The following IQSEC1 variants were observed in gnomAD, a reference collection of about 807,000 sequenced individuals.
IQSEC1 encodes the protein IQ motif and SEC7 domain-containing protein 1.
IQSEC1 carries 31 observed loss-of-function variants against 91.0 expected under a neutral mutation model. The observed-to-expected ratio is 0.34, with a 90% CI of 0.26 to 0.46. The LOEUF (loss-of-function observed/expected upper bound fraction) is 0.46. Ranked by LOEUF, IQSEC1 falls within the 20% of genes least tolerant of loss-of-function variation. The probability of loss-of-function intolerance (pLI) is 1.00; values close to 1 mark genes in which losing one functional copy is unlikely to be tolerated. For synonymous variants in IQSEC1, 699 were observed against 662.6 expected (o/e 1.05, Z -0.84); for missense variants, 1,388 against 1,575.6 (o/e 0.88, Z 2.02).
At chr3:13,250,196 G>T (rs952120196) in intron 1 of IQSEC1, among the ~76,000 whole-genome samples, 2 of 152,158 alleles carry the variant, frequency 1.3e-5, no homozygotes, top group Admixed American at 6.5e-5. Flanking sequence ...TTCAACGAAG[G>T]CCAGCTGGGT....
intron 2 of IQSEC1, among the ~76,000 whole-genome samples, chr3:13,110,811 T>C (rs1706232375): frequency 6.6e-6 from 1 of 152,076 alleles, no homozygotes; most frequent in South Asian, 2.1e-4. Context: ...GTCACGGGTG[T>C]GGAGATTTAC....
In IQSEC1 at chr3:13,193,046, C is replaced by A. The variant is rs960907368; in HGVS notation, c.273-28913G>T. 2.0e-5 allele frequency among the ~76,000 whole-genome samples: 3 copies of A among 152,366 alleles called. No homozygotes were observed. The highest frequency in any genetic ancestry group is 6.5e-5 in the Admixed American group (1 of 15,306). The stretch of plus-strand genomic sequence containing the variant: ...AGGTCCAGTCCTGGCCATGTAGCTG[C>A]ATGCAGTGCATCCTCCAGCCCCTAG... On this transcript the variant is annotated intron_variant, in intron 1 of 15. Transcript: ENST00000648114. The surrounding 1 kb of genome is among the most constrained non-coding windows in gnomAD (Gnocchi z 4.2).
chr3:13,194,696 C>T (rs746797574), intron 1 of IQSEC1, among the ~76,000 whole-genome samples: 4 of 152,058 alleles, frequency 2.6e-5, no homozygotes. Flanking sequence ...GACTGAGAGG[C>T]GAGGTCCGTG....
At chr3:12,930,667 G>C (rs905445608) in intron 3 of IQSEC1, among the ~76,000 whole-genome samples, 3 of 152,172 alleles carry the variant, frequency 2.0e-5, no homozygotes, top group African/African-American at 7.2e-5. Context: ...GCCAGATGGA[G>C]CCAAGAAATA....
intron 1 of IQSEC1, among the ~76,000 whole-genome samples, chr3:13,038,508 G>A (rs947819866): frequency 2.0e-5 from 3 of 151,766 alleles, no homozygotes; most frequent in Non-Finnish European, 4.4e-5. Flanking sequence ...GGGTAGTCGG[G>A]GGACAGAGGG....
chr3:13,123,287 T>A (rs990916918), intron 2 of IQSEC1, among the ~76,000 whole-genome samples: 4 of 152,224 alleles, frequency 2.6e-5, no homozygotes. Flanking sequence ...CCTTCATAAT[T>A]TATTTCAAAC....
At chr3:12,917,244 A>G (rs1386827893) in intron 6 of IQSEC1, among the ~76,000 whole-genome samples, 1 of 152,160 alleles carries the variant, frequency 6.6e-6, no homozygotes, top group African/African-American at 2.4e-5. Flanking sequence ...ACACGGACAC[A>G]TCAGCGTCAC....
At position 12,971,428 on chromosome 3, in the gene IQSEC1, G is replaced by A. The variant is rs148112895; in HGVS notation, c.24-29563C>T. On this transcript the variant is annotated intron_variant, in intron 1 of 13. Transcript: ENST00000613206. ...TTAATTATTTGAAAAAGCAGAACTC[G>A]GGAGGAAACGTGCAATGCCTCTCAA... is the stretch of plus-strand genomic sequence containing the variant. 4.0e-3 allele frequency among the ~76,000 whole-genome samples: 615 copies of A among 152,292 alleles called. 3 individuals carry two copies. The highest frequency in any genetic ancestry group is 0.011 in the South Asian group (54 of 4,832).
Position 12,899,545 on chromosome 3 carries a change from G to C in IQSEC1, c.*1438C>G. On this transcript the variant is annotated 3_prime_UTR_variant, in exon 14 of 14. Transcript: ENST00000613206. Reference sequence around the variant, plus strand: ...ACAGAAGCGACAAGAGCACAGCTGAGAGTCATGTGATGCCCTGGCAGCTCA... The same window carrying C: ...ACAGAAGCGACAAGAGCACAGCTGACAGTCATGTGATGCCCTGGCAGCTCA... The C allele has an allele frequency of 6.6e-7, 1 of 1,509,996 alleles. No homozygotes were observed. Among genetic ancestry groups the C allele is most frequent in the Non-Finnish European group, 8.9e-7 (1 of 1,119,722 alleles). The allele number at this position is 1,509,996 out of a possible 1,614,324, so 93.5% of individuals were successfully genotyped here. A position where few individuals can be genotyped will look rare whatever the true frequency, so the allele number is the denominator to read the frequency against.
At position 13,207,283 on chromosome 3, in the gene IQSEC1, T is replaced by G; in HGVS notation, c.273-43150A>C. ...CCAGATTCCTCCTGGCTTGTTTCCC[T>G]CCCACAACATCCAGCCATGTCGGCA... On this transcript the variant is annotated intron_variant, in intron 1 of 15. Transcript: ENST00000648114. The surrounding 1 kb of genome is among the most constrained non-coding windows in gnomAD (Gnocchi z 4.8). 6.6e-6 allele frequency among the ~76,000 whole-genome samples: 1 copy of G among 151,824 alleles called. No homozygotes were observed.
chr3:13,093,138 G>A (rs565585288), intron 2 of IQSEC1, among the ~76,000 whole-genome samples: 2 of 152,214 alleles, frequency 1.3e-5, no homozygotes, highest in South Asian at 4.1e-4. Context: ...CCCTGCCCAG[G>A]GCACAGTCTG....
At chr3:13,227,369 C>G (rs982720354) in intron 1 of IQSEC1, among the ~76,000 whole-genome samples, 2 of 85,318 alleles carry the variant, frequency 2.3e-5, no homozygotes, top group African/African-American at 1.2e-4. Flanking sequence ...AAGCGGGACT[C>G]TGTCTCAAAA....
chr3:13,057,203 C>T (rs571959006), intron 1 of IQSEC1, among the ~76,000 whole-genome samples: 124 of 152,346 alleles, frequency 8.1e-4, no homozygotes, highest in African/African-American at 3.0e-3. Context: ...GCCATTCGGT[C>T]TCAGGCACAG....
At chr3:13,203,392 T>G (rs1195065322) in intron 1 of IQSEC1, among the ~76,000 whole-genome samples, 2 of 152,200 alleles carry the variant, frequency 1.3e-5, no homozygotes, top group East Asian at 3.9e-4. Context: ...TTTGTTAAAC[T>G]GCGCTCCTCA....
At chr3:12,951,917 T>C (rs1699575891) in intron 1 of IQSEC1, among the ~76,000 whole-genome samples, 1 of 152,154 alleles carries the variant, frequency 6.6e-6, no homozygotes, top group East Asian at 1.9e-4. Context: ...CTCCAGACGC[T>C]GCCAAGGTCT....
At chr3:13,055,778 C>T (rs1248396302) in intron 1 of IQSEC1, among the ~76,000 whole-genome samples, 1 of 152,212 alleles carries the variant, frequency 6.6e-6, no homozygotes, top group African/African-American at 2.4e-5. Context: ...GGAGTACATG[C>T]TGTGCAAGGG....
In IQSEC1 at chr3:13,276,080, C is replaced by CTTTTTTTTTTTTT. The variant is rs796663192; in HGVS notation, c.272+6618_272+6630dup. On this transcript the variant is annotated intron_variant, in intron 1 of 15. Coordinates refer to the IQSEC1 transcript ENST00000648114. Reference sequence around the variant, plus strand: ...AGGGAAAACAATCCTCAAAAGCATTCTTTTTTTTTTTTTTTTTTTTTTTTT... The same window carrying CTTTTTTTTTTTTT: ...AGGGAAAACAATCCTCAAAAGCATTCTTTTTTTTTTTTTTTTTTTTTTTTTTTTTTTTTTTTTT... 1.0e-4 allele frequency among the ~76,000 whole-genome samples: 8 copies of CTTTTTTTTTTTTT among 79,524 alleles called. 2 individuals are homozygous for CTTTTTTTTTTTTT. The highest frequency in any genetic ancestry group is 2.9e-4 in the African/African-American group (7 of 24,150). The allele number at this position is 79,524 out of a possible 152,430, so 52.2% of individuals were successfully genotyped here.
chr3:13,100,928 C>A (rs1490420262), intron 2 of IQSEC1, among the ~76,000 whole-genome samples: 1 of 148,388 alleles, frequency 6.7e-6, no homozygotes, highest in Admixed American at 6.7e-5. Context: ...GGAGGGCCTC[C>A]CCGAGAGGCA....
chr3:13,171,931 G>A (rs1295709230), intron 1 of IQSEC1, among the ~76,000 whole-genome samples: 2 of 152,152 alleles, frequency 1.3e-5, no homozygotes, highest in African/African-American at 4.8e-5. Context: ...GCTTCTGGGA[G>A]GCGAGCTGAG....
Sources: gnomAD v4.1 joint callset for allele counts (sites outside exome capture counted in the v4.1 genomes callset) on GRCh38, gnomAD v4.1.1 for gene constraint, Gnocchi (gnomAD v3.1) non-coding constraint, MANE v1.5 for transcripts, NCBI Gene and HGNC (gene_info 2026-07-23, HGNC 2026-07-21) for gene names.